GALNTL6: variants seen among roughly 807,000 people sequenced by gnomAD.
GALNTL6 encodes the protein polypeptide N-acetylgalactosaminyltransferase like 6.
GALNTL6 carries 46 observed loss-of-function variants against 73.7 expected under a neutral mutation model. That is an observed-to-expected ratio of 0.62 (90% CI 0.49 to 0.80). The LOEUF (loss-of-function observed/expected upper bound fraction) is 0.80. GALNTL6 is among the 30% of genes least tolerant of loss of function. The pLI is 0.00. For missense variants in GALNTL6, 604 were observed against 755.0 expected (o/e 0.80, Z 2.34); for synonymous variants, 259 against 263.7 (o/e 0.98, Z 0.17).
chr4:171,839,732 T>G (rs1174932415), intron 2 of GALNTL6, among the ~76,000 whole-genome samples: 1 of 151,098 alleles, frequency 6.6e-6, no homozygotes, highest in Non-Finnish European at 1.5e-5. Context: ...GTTACCAAGG[T>G]TAAAACTAAG....
At chr4:172,031,752 G>T (rs2110821723) in intron 2 of GALNTL6, among the ~76,000 whole-genome samples, 1 of 151,892 alleles carries the variant, frequency 6.6e-6, no homozygotes, top group African/African-American at 2.4e-5. Flanking sequence ...TGCTCCTGCT[G>T]TATTTCAAGG....
intron 5 of GALNTL6, among the ~76,000 whole-genome samples, chr4:172,713,158 C>G (rs141205325): frequency 1.5e-4 from 22 of 151,244 alleles, no homozygotes; most frequent in African/African-American, 1.9e-4. Flanking sequence ...AATACTGTTA[C>G]GTGCTGTATC....
At chr4:172,974,340 C>T (rs751520380) in intron 10 of GALNTL6, among the ~76,000 whole-genome samples, 31 of 152,220 alleles carry the variant, frequency 2.0e-4, no homozygotes, top group South Asian at 1.7e-3. Flanking sequence ...TCTCTCTCTC[C>T]CCCATTTCTC....
intron 2 of GALNTL6, among the ~76,000 whole-genome samples, chr4:172,190,482 G>A (rs534675958): frequency 6.2e-4 from 95 of 152,126 alleles, no homozygotes; most frequent in Middle Eastern, 6.8e-3. Context: ...AGATGTCATC[G>A]ATGAAGAGGT....
intron 2 of GALNTL6, among the ~76,000 whole-genome samples, chr4:171,885,220 T>C (rs1415654931): frequency 1.3e-5 from 2 of 152,168 alleles, no homozygotes; most frequent in African/African-American, 4.8e-5. Flanking sequence ...GTCTCAGCTA[T>C]CATTATTCAC....
At chr4:172,201,898 A>G (rs369763224) in intron 2 of GALNTL6, among the ~76,000 whole-genome samples, 3 of 152,280 alleles carry the variant, frequency 2.0e-5, no homozygotes, top group South Asian at 2.1e-4. Flanking sequence ...CTTGATGCCA[A>G]TTCAACCTAG....
intron 5 of GALNTL6, among the ~76,000 whole-genome samples, chr4:172,498,785 A>T (rs1734161609): frequency 6.6e-6 from 1 of 152,170 alleles, no homozygotes; most frequent in African/African-American, 2.4e-5. Context: ...ACAGGTTTTC[A>T]AGGCTATATG....
intron 5 of GALNTL6, among the ~76,000 whole-genome samples, chr4:172,776,017 A>G (rs992914821): frequency 2.0e-5 from 3 of 152,094 alleles, no homozygotes; most frequent in Non-Finnish European, 2.9e-5. Context: ...CTAACCCTCT[A>G]GATGAAAATG....
intron 3 of GALNTL6, among the ~76,000 whole-genome samples, chr4:172,290,894 A>G (rs972355745): frequency 6.6e-6 from 1 of 151,906 alleles, no homozygotes; most frequent in African/African-American, 2.4e-5. Context: ...ATAAAAAATA[A>G]AGACCTAAAA....
intron 5 of GALNTL6, among the ~76,000 whole-genome samples, chr4:172,474,896 A>T (rs1733179229): frequency 6.6e-6 from 1 of 152,232 alleles, no homozygotes. Flanking sequence ...ACATTAATGC[A>T]AAACTTATTG....
intron 10 of GALNTL6, among the ~76,000 whole-genome samples, chr4:172,988,478 C>A (rs1751393751): frequency 6.6e-6 from 1 of 152,116 alleles, no homozygotes; most frequent in African/African-American, 2.4e-5. Context: ...GGAAGCAGAG[C>A]ATAAAAGTTT....
At chr4:171,989,525 A>C (rs578136177) in intron 2 of GALNTL6, among the ~76,000 whole-genome samples, 2 of 152,034 alleles carry the variant, frequency 1.3e-5, no homozygotes, top group African/African-American at 4.8e-5. Context: ...TTCTGGAGGA[A>C]CCCCTGGCAG....
At chr4:172,929,749 G>A (rs934774535) in intron 8 of GALNTL6, among the ~76,000 whole-genome samples, 5 of 152,234 alleles carry the variant, frequency 3.3e-5, no homozygotes, top group Admixed American at 3.3e-4. Context: ...GGGCGCCATG[G>A]TCCAGCCAAG....
intron 5 of GALNTL6, among the ~76,000 whole-genome samples, chr4:172,734,508 G>A (rs961230646): frequency 1.3e-5 from 2 of 152,096 alleles, no homozygotes; most frequent in Non-Finnish European, 2.9e-5. Flanking sequence ...AAATCCAATA[G>A]GGCAGTCATT....
chr4:172,824,751 A>G (rs1483635914), intron 7 of GALNTL6, among the ~76,000 whole-genome samples: 2 of 152,300 alleles, frequency 1.3e-5, no homozygotes, highest in Admixed American at 6.5e-5. Flanking sequence ...AGAATTCCCT[A>G]TCTCAATCCT....
chr4:172,599,379 T>A (rs1026959325), intron 5 of GALNTL6, among the ~76,000 whole-genome samples: 10 of 152,206 alleles, frequency 6.6e-5, no homozygotes, highest in African/African-American at 2.4e-4. Flanking sequence ...GACTCTCATA[T>A]GCCAAAAATA....
intron 5 of GALNTL6, among the ~76,000 whole-genome samples, chr4:172,574,906 G>A (rs1429807795): frequency 6.8e-6 from 1 of 147,046 alleles, no homozygotes; most frequent in Non-Finnish European, 1.5e-5. Context: ...ACATGCAAGC[G>A]TGCATGCATG....
chr4:172,387,282 T>C (rs1743507645), intron 5 of GALNTL6, among the ~76,000 whole-genome samples: 1 of 152,204 alleles, frequency 6.6e-6, no homozygotes, highest in Non-Finnish European at 1.5e-5. Context: ...TTTTTATCTA[T>C]TGTCTTTTCA....
chr4:171,864,829 G>C (rs1735929247), intron 2 of GALNTL6, among the ~76,000 whole-genome samples: 2 of 152,070 alleles, frequency 1.3e-5, no homozygotes, highest in Admixed American at 6.6e-5. Flanking sequence ...AATACTTAAA[G>C]ATAATTATGC....
Sources: allele counts gnomAD v4.1 joint callset (sites outside exome capture counted in the v4.1 genomes callset), GRCh38; gene constraint gnomAD v4.1.1; transcripts MANE v1.5; gene names NCBI Gene and HGNC (gene_info 2026-07-23, HGNC 2026-07-21).